SRPK2: variants seen among roughly 807,000 people sequenced by gnomAD.
SRPK2 encodes SRSF protein kinase 2, also known as SFRS protein kinase 2.
A neutral mutation model predicts 90.8 loss-of-function variants in SRPK2; 21 were observed. The observed-to-expected ratio is 0.23, with a 90% confidence interval of 0.16 to 0.33. The LOEUF is 0.33. Ranked by LOEUF, SRPK2 falls within the 10% of genes least tolerant of loss-of-function variation. SRPK2 has a pLI of 1.00. For missense variants in SRPK2, 620 were observed against 869.0 expected (o/e 0.71, Z 3.60); for synonymous variants, 288 against 311.1 (o/e 0.93, Z 0.78).
intron 2 of SRPK2, among the ~76,000 whole-genome samples, chr7:105,271,278 G>GGGCTTTTTCATCT (rs1805796078): frequency 6.6e-6 from 1 of 152,176 alleles, no homozygotes. Context: ...TGCCTATCTT[G>GGGCTTTTTCATCT]TAAACACTGG....
At chr7:105,278,845 T>A (rs1806879218) in intron 2 of SRPK2, among the ~76,000 whole-genome samples, 1 of 144,592 alleles carries the variant, frequency 6.9e-6, no homozygotes, top group African/African-American at 2.6e-5. Flanking sequence ...GTAAAAATGC[T>A]CTTCATTATG....
intron 13 of SRPK2, among the ~76,000 whole-genome samples, chr7:105,128,095 C>T (rs1801462847): frequency 6.6e-6 from 1 of 152,100 alleles, no homozygotes; most frequent in Admixed American, 6.5e-5. Context: ...GGGTGAGGGG[C>T]CACCTCTCCT....
At chr7:105,149,577 T>G (rs1490910947) in intron 7 of SRPK2, among the ~76,000 whole-genome samples, 1 of 152,188 alleles carries the variant, frequency 6.6e-6, no homozygotes, top group Non-Finnish European at 1.5e-5. Flanking sequence ...TTCTCTATAC[T>G]TTGTCTCTGT....
At chr7:105,241,480 T>C (rs1800811363) in intron 2 of SRPK2, among the ~76,000 whole-genome samples, 1 of 152,152 alleles carries the variant, frequency 6.6e-6, no homozygotes, top group Non-Finnish European at 1.5e-5. Context: ...CTCTTCAGCA[T>C]CTACTTTATA....
At chr7:105,241,215 T>A (rs1800774706) in intron 2 of SRPK2, among the ~76,000 whole-genome samples, 1 of 152,224 alleles carries the variant, frequency 6.6e-6, no homozygotes, top group African/African-American at 2.4e-5. Context: ...AGATGTTCCT[T>A]CTTTAAAGCA....
intron 2 of SRPK2, among the ~76,000 whole-genome samples, chr7:105,362,334 G>A (rs1219991051): frequency 4.6e-5 from 7 of 152,036 alleles, no homozygotes; most frequent in African/African-American, 1.2e-4. Context: ...ATGGCCGGGC[G>A]CGGTGGCTCA....
In SRPK2 at chr7:105,301,286, C is replaced by CA. The variant is rs35944611; in HGVS notation, c.71+87361dup. On this transcript the variant is annotated intron_variant, in intron 2 of 15. Transcript: ENST00000393651. ...TGAAACCCCGTCTCTACTAAAAATA[C>CA]AAAAAAAAAAAAAAAAAGCCGCGGC... 1.0e-3 allele frequency among the ~76,000 whole-genome samples: 126 copies of CA among 123,774 alleles called. 1 individual carries two copies. The East Asian group carries it at 0.011, about 11-fold the overall frequency. 81.2% of individuals were successfully genotyped at this position (123,774 alleles called of 152,430 possible). A position where few individuals can be genotyped will look rare whatever the true frequency, so the allele number is the denominator to read the frequency against.
intron 2 of SRPK2, among the ~76,000 whole-genome samples, chr7:105,324,940 A>C (rs1385400642): frequency 1.3e-5 from 2 of 152,262 alleles, no homozygotes; most frequent in African/African-American, 4.8e-5. Context: ...CAATAGTCCT[A>C]TTTTTCCTAT....
chr7:105,246,873 A>C (rs1327349386), intron 2 of SRPK2, among the ~76,000 whole-genome samples: 2 of 152,240 alleles, frequency 1.3e-5, no homozygotes, highest in African/African-American at 4.8e-5. Flanking sequence ...ATTCCACTTA[A>C]GTGACATTTC....
At chr7:105,172,774 A>G (rs1791318969) in intron 3 of SRPK2, among the ~76,000 whole-genome samples, 1 of 152,240 alleles carries the variant, frequency 6.6e-6, no homozygotes, top group African/African-American at 2.4e-5. Flanking sequence ...GTCTTAGTAC[A>G]CAGAAAACAT....
chr7:105,153,277 A>T (rs966020071), intron 7 of SRPK2, among the ~76,000 whole-genome samples: 1 of 152,214 alleles, frequency 6.6e-6, no homozygotes, highest in Non-Finnish European at 1.5e-5. Context: ...GGGAGCTAGA[A>T]GCCCCGAGTC....
intron 2 of SRPK2, among the ~76,000 whole-genome samples, chr7:105,294,292 G>A (rs1197532243): frequency 6.6e-6 from 1 of 152,146 alleles, no homozygotes; most frequent in Non-Finnish European, 1.5e-5. Flanking sequence ...TCAACATTTT[G>A]TATTCAAATG....
intron 2 of SRPK2, among the ~76,000 whole-genome samples, chr7:105,213,473 A>G (rs1797094042): frequency 6.6e-6 from 1 of 152,232 alleles, no homozygotes; most frequent in Non-Finnish European, 1.5e-5. Context: ...CTGGGGAATA[A>G]AAGAGCCAAG....
chr7:105,211,540 T>C (rs1796859878), intron 2 of SRPK2, among the ~76,000 whole-genome samples: 1 of 152,038 alleles, frequency 6.6e-6, no homozygotes, highest in South Asian at 2.1e-4. Flanking sequence ...CAACACAGTG[T>C]GGGAGCAGTA....
chr7:105,147,933 C>T (rs1240836978), intron 7 of SRPK2, among the ~76,000 whole-genome samples: 1 of 152,138 alleles, frequency 6.6e-6, no homozygotes, highest in African/African-American at 2.4e-5. Flanking sequence ...GTTATTTTCA[C>T]TTTAGGGGCT....
chr7:105,390,583 C>T (rs1187158186), upstream of SRPK2, among the ~76,000 whole-genome samples: 3 of 150,684 alleles, frequency 2.0e-5, no homozygotes. Flanking sequence ...CATACACCAC[C>T]ACATCTAGTT....
chr7:105,144,584 A>T (rs1394237069), intron 9 of SRPK2, among the ~76,000 whole-genome samples: 6 of 152,306 alleles, frequency 3.9e-5, no homozygotes, highest in African/African-American at 1.4e-4. Context: ...AAAATAGATC[A>T]GTCTCTTTCT....
At chr7:105,306,284 G>A (rs1036817779) in intron 2 of SRPK2, 7 of 279,694 alleles carry the variant, frequency 2.5e-5, no homozygotes, top group Non-Finnish European at 4.9e-5. Context: ...TCTTTTCAGT[G>A]CACTGGGCTT....
intron 7 of SRPK2, among the ~76,000 whole-genome samples, chr7:105,153,179 C>A (rs554508228): frequency 2.0e-5 from 3 of 152,266 alleles, no homozygotes; most frequent in East Asian, 3.9e-4. Context: ...CCATTTCACA[C>A]ACATGAGGAA....
Sources: gnomAD v4.1 joint callset for allele counts (sites outside exome capture counted in the v4.1 genomes callset) on GRCh38, gnomAD v4.1.1 for gene constraint, MANE v1.5 for transcripts, NCBI Gene and HGNC (gene_info 2026-07-23, HGNC 2026-07-21) for gene names.